Variants in ANKRD28 observed in about 807,000 individuals in gnomAD.
The protein encoded by ANKRD28 is ankyrin repeat domain 28, also known as serine/threonine-protein phosphatase 6 regulatory ankyrin repeat subunit A.
ANKRD28 carries 44 observed loss-of-function variants against 126.5 expected under a neutral mutation model. That is an observed-to-expected ratio of 0.35 (90% CI 0.27 to 0.45). The LOEUF is 0.45. Among genes scored for constraint, ANKRD28 ranks in the 20% least tolerant of loss-of-function variants. The probability of loss-of-function intolerance (pLI) is 1.00; values close to 1 mark genes in which losing one functional copy is unlikely to be tolerated. For synonymous variants in ANKRD28, 442 were observed against 468.5 expected, an observed-to-expected ratio of 0.94 and a Z score of 0.73; for missense variants, 1,110 against 1,316.6, an observed-to-expected ratio of 0.84 and a Z score of 2.43.
intron 6 of ANKRD28, chr3:15,732,981 A>T (rs2074751704): frequency 6.6e-6 from 1 of 152,210 alleles, no homozygotes; most frequent in African/African-American, 2.4e-5. Flanking sequence ...CCTGGACAAC[A>T]TGGTGAAACC....
chr3:15,801,078 G>C (rs921169685), upstream of ANKRD28, among the ~76,000 whole-genome samples: 1 of 152,016 alleles, frequency 6.6e-6, no homozygotes, highest in African/African-American at 2.4e-5. The surrounding 1 kb of genome is among the most constrained non-coding windows in gnomAD (Gnocchi z 4.9). Context: ...AGGGGATGTG[G>C]TTATTTTCTT....
intron 4 of ANKRD28, among the ~76,000 whole-genome samples, chr3:15,743,499 T>C (rs1575492822): frequency 6.6e-6 from 1 of 151,446 alleles, no homozygotes; most frequent in Non-Finnish European, 1.5e-5. Flanking sequence ...CCTGATTAGG[T>C]TAAAATATAA....
rs1252005843 is a variant in ANKRD28 at position 15,679,340 on chromosome 3, A to G, written c.2522T>C (p.Leu841Ser). ...EGAAEMLIDT[L>S]GASIVNATDS... ...TGTGGCGTTCACAATGCTGGCACCT[A>G]ATGTATCAATTAACATCTCAGCAGC... Residue 841 changes from leucine (L) to serine (S), a missense_variant, in exon 23 of 28, where the codon TTA becomes TCA. By Grantham distance (145) the Leu-to-Ser change is moderately radical. Transcript: ENST00000683139. The G allele has an allele frequency of 6.2e-7, 1 of 1,613,844 alleles. No individual in the cohort carries two copies. Among genetic ancestry groups the G allele is most frequent in the African/African-American group, 1.3e-5 (1 of 74,912 alleles).
chr3:15,776,974 A>C (rs2059297808), intron 2 of ANKRD28, among the ~76,000 whole-genome samples: 1 of 152,160 alleles, frequency 6.6e-6, no homozygotes, highest in Admixed American at 6.5e-5. Context: ...CTAATGTTCA[A>C]AATGAAAAAA....
intron 1 of ANKRD28, among the ~76,000 whole-genome samples, chr3:15,840,300 C>T (rs2061401526): frequency 6.6e-6 from 1 of 152,166 alleles, no homozygotes; most frequent in Admixed American, 6.5e-5. Context: ...TTTATAACAG[C>T]TACAAATAAA....
intron 2 of ANKRD28, among the ~76,000 whole-genome samples, chr3:15,778,609 C>T (rs1351635247): frequency 6.6e-6 from 1 of 152,152 alleles, no homozygotes; most frequent in Non-Finnish European, 1.5e-5. Flanking sequence ...CACATCAAAT[C>T]CCTCTCATAC....
At chr3:15,694,895 CT>C in intron 16 of ANKRD28, 82 bp from the exon 17 acceptor site, 1 of 1,316,064 alleles carries the variant, frequency 7.6e-7, no homozygotes, top group Non-Finnish European at 1.1e-6. Flanking sequence ...TCAAATCCAC[CT>C]TAGAGTATTA....
chr3:15,690,517 G>A (rs945846377), intron 17 of ANKRD28, among the ~76,000 whole-genome samples: 1 of 152,098 alleles, frequency 6.6e-6, no homozygotes, highest in Non-Finnish European at 1.5e-5. Flanking sequence ...TGTGTGACAC[G>A]GATTCATTTA....
intron 1 of ANKRD28, among the ~76,000 whole-genome samples, chr3:15,823,678 T>C (rs1056696431): frequency 2.6e-5 from 4 of 152,326 alleles, no homozygotes; most frequent in South Asian, 2.1e-4. Flanking sequence ...AATAAAATAC[T>C]AGCAAACCAA....
Position 15,809,366 on chromosome 3 carries a change from C to T in ANKRD28, c.28-14060G>A, listed in dbSNP as rs190109026. Among the ~76,000 whole-genome samples, 8 of 152,322 alleles carry T rather than the reference C, an allele frequency of 5.3e-5. No individual in the cohort carries two copies. In the East Asian group the frequency reaches 1.5e-3, roughly 29 times the overall value. ...TGTAACAGACACAGGTACTTTCACACAGATCCTTTCCTTTAAGGAGAGTCT... is the reference window on the plus strand; with the variant it reads ...TGTAACAGACACAGGTACTTTCACATAGATCCTTTCCTTTAAGGAGAGTCT... On this transcript the variant is annotated intron_variant, in intron 1 of 27. Coordinates refer to the ANKRD28 transcript ENST00000399451.
chr3:15,810,151 G>A (rs1185778890), intron 1 of ANKRD28, among the ~76,000 whole-genome samples: 1 of 152,104 alleles, frequency 6.6e-6, no homozygotes, highest in Admixed American at 6.5e-5. Context: ...TACAGTGTCA[G>A]GATGACCTAA....
In ANKRD28 at chr3:15,680,637, G is replaced by A. The variant is rs1413591329; in HGVS notation, c.2390-1074C>T. On this transcript the variant is annotated intron_variant, in intron 21 of 27. Transcript: ENST00000683139. The stretch of plus-strand genomic sequence containing the variant: ...TCTTCATGATATTATCAACAACGCT[G>A]TAATGAAACATTCTGGTATTTTTTT... Among the ~76,000 whole-genome samples the A allele has an allele frequency of 2.6e-5, 4 of 152,176 alleles. No individual in the cohort carries two copies. In the East Asian group the frequency reaches 5.8e-4, roughly 22 times the overall value.
At chr3:15,736,556 C>A (rs2125130014) in intron 5 of ANKRD28, among the ~76,000 whole-genome samples, 1 of 152,308 alleles carries the variant, frequency 6.6e-6, no homozygotes, top group East Asian at 1.9e-4. Flanking sequence ...ACATAAACCC[C>A]AATCTTTGCT....
At chr3:15,767,646 C>A (rs1277707453) in intron 2 of ANKRD28, among the ~76,000 whole-genome samples, 1 of 122,066 alleles carries the variant, frequency 8.2e-6, no homozygotes. Flanking sequence ...GGGTGGATCA[C>A]GAGGTCAGGA....
intron 2 of ANKRD28, among the ~76,000 whole-genome samples, chr3:15,794,948 A>G (rs2060207794): frequency 6.6e-6 from 1 of 152,186 alleles, no homozygotes; most frequent in Non-Finnish European, 1.5e-5. Flanking sequence ...TGCCAAAAGT[A>G]AGTGAAAGGT....
At chr3:15,803,045 A>C (rs991440897) in intron 1 of ANKRD28, among the ~76,000 whole-genome samples, 1 of 152,236 alleles carries the variant, frequency 6.6e-6, no homozygotes, top group African/African-American at 2.4e-5. Context: ...GGACAATATC[A>C]CATGCAGTTG....
At position 15,707,991 on chromosome 3, in the gene ANKRD28, C is replaced by G. The variant is rs777128523; in HGVS notation, c.1480G>C (p.Val494Leu). Residue 494 changes from valine (V) to leucine (L), a missense_variant, in exon 14 of 28, where the codon GTG becomes CTG. Coordinates refer to ENST00000683139, the MANE Select transcript of ANKRD28 (RefSeq NM_001349278.2). ...LFALVGSGASVNDLDERGCTP... is the reference protein window; with the variant it reads ...LFALVGSGASLNDLDERGCTP... ...CAGCCTCTTTCATCAAGGTCATTCA[C>G]ACTTGCTCCTGATCCCACAAGAGCA... 1.2e-6 allele frequency: 2 copies of G among 1,612,106 alleles called. No homozygotes were observed. The highest frequency in any genetic ancestry group is 1.7e-6 in the Non-Finnish European group (2 of 1,179,104).
chr3:15,701,444 A>C (rs2070602609), intron 14 of ANKRD28, among the ~76,000 whole-genome samples: 2 of 152,166 alleles, frequency 1.3e-5, no homozygotes, highest in South Asian at 4.1e-4. Flanking sequence ...CGGGAGTTCA[A>C]GACCTGCCTG....
chr3:15,734,363 G>A (rs2074868621), intron 6 of ANKRD28, among the ~76,000 whole-genome samples: 1 of 152,242 alleles, frequency 6.6e-6, no homozygotes, highest in African/African-American at 2.4e-5. Flanking sequence ...ATGGCTCTTA[G>A]AAAAGTGGTT....
Sources: gnomAD v4.1 joint callset for allele counts (sites outside exome capture counted in the v4.1 genomes callset) on GRCh38, gnomAD v4.1.1 for gene constraint, Gnocchi (gnomAD v3.1) non-coding constraint, MANE v1.5 for transcripts, NCBI Gene and HGNC (gene_info 2026-07-23, HGNC 2026-07-21) for gene names.